The following EIF4B variants were observed in gnomAD, a reference collection of about 807,000 sequenced individuals.
EIF4B encodes the protein eukaryotic translation initiation factor 4B.
In EIF4B, 8 loss-of-function variants were observed where a neutral mutation model predicts 79.3. The ratio of observed to expected loss-of-function variants is 0.10; its 90% CI spans 0.06 to 0.18. EIF4B has a LOEUF of 0.18. Ranked by LOEUF, EIF4B falls within the 10% of genes least tolerant of loss-of-function variation. The pLI is 1.00. For synonymous variants in EIF4B, 238 were observed against 274.7 expected (o/e 0.87, Z 1.32); for missense variants, 515 against 792.4 (o/e 0.65, Z 4.20).
intron 8 of EIF4B, among the ~76,000 whole-genome samples, chr12:53,032,669 GTTT>G (rs779279397): frequency 1.5e-5 from 2 of 132,302 alleles, no homozygotes. Flanking sequence ...GGGTTTTTTT[GTTT>G]TTTTTTTTTT....
At chr12:53,038,319 A>C in intron 11 of EIF4B, 37 bp from the exon 12 acceptor site, 1 of 1,543,770 alleles carries the variant, frequency 6.5e-7, no homozygotes, top group Non-Finnish European at 8.7e-7. Flanking sequence ...TTCTCCCTGA[A>C]ACAACTGATG....
intron 10 of EIF4B, among the ~76,000 whole-genome samples, chr12:53,036,522 C>T (rs982401840): frequency 2.0e-5 from 3 of 151,744 alleles, no homozygotes; most frequent in Non-Finnish European, 2.9e-5. Flanking sequence ...TCCTCTTGCC[C>T]CAATATCCCA....
Position 53,034,725 on chromosome 12 carries a change from G to T in EIF4B, c.1306+16G>T, listed in dbSNP as rs1943508167. The T allele has an allele frequency of 1.2e-6, 2 of 1,613,810 alleles. No individual in the cohort carries two copies. The highest frequency in any genetic ancestry group is 1.7e-6 in the Non-Finnish European group (2 of 1,179,848). On this transcript the variant is annotated intron_variant, in intron 10 of 14. Coordinates refer to ENST00000262056, the MANE Select transcript of EIF4B (RefSeq NM_001417.7). Reference sequence around the variant, plus strand: ...TCTAGCAGAAGTAAGTCAGACCAGGGTGGGTATCGTGTTATTGCCGTTTTC... The same window carrying T: ...TCTAGCAGAAGTAAGTCAGACCAGGTTGGGTATCGTGTTATTGCCGTTTTC...
rs767058421 is a variant in EIF4B, at chr12:53,018,925, G to A, written c.279G>A (p.Ser93=). 1.7e-5 allele frequency: 27 copies of A among 1,613,824 alleles called. No homozygotes were observed. The South Asian group carries it at 1.8e-4, about 11-fold the overall frequency. ...PNIDRSRLPK[S]PPYTAFLGNL... ...TCGACCGGAGCCGTCTTCCCAAATC[G>A]CCACCCTACACTGCTTTTCTAGGAA... is the stretch of plus-strand genomic sequence containing the variant. The change falls in exon 3 of 15, where the codon TCG becomes TCA. Residue 93 remains serine (S), a synonymous_variant. Transcript: ENST00000262056.
intron 2 of EIF4B, among the ~76,000 whole-genome samples, 199 bp from the exon 3 acceptor site, chr12:53,018,599 T>A (rs1259908059): frequency 6.6e-6 from 1 of 152,200 alleles, no homozygotes; most frequent in Admixed American, 6.5e-5. Context: ...TTTCTTTGCT[T>A]ACATAAAGAT....
intron 14 of EIF4B, 32 bp from the exon 15 acceptor site, chr12:53,040,111 T>A: frequency 6.2e-7 from 1 of 1,613,272 alleles, no homozygotes; most frequent in Non-Finnish European, 8.5e-7. Context: ...ATTCAGGGCC[T>A]TCATTATCCT....
intron 1 of EIF4B, among the ~76,000 whole-genome samples, chr12:53,010,976 A>G (rs1943055092): frequency 6.6e-6 from 1 of 152,212 alleles, no homozygotes; most frequent in Admixed American, 6.5e-5. Flanking sequence ...TAAAGTATAC[A>G]GTTTGGACCG....
chr12:53,006,989 G>C (rs1184357228), intron 1 of EIF4B, among the ~76,000 whole-genome samples: 1 of 146,822 alleles, frequency 6.8e-6, no homozygotes, highest in East Asian at 2.0e-4. Flanking sequence ...CGAGTTGGTG[G>C]AGGGGCGGGG....
chr12:53,034,509 A>C (rs1565592237), intron 9 of EIF4B, 103 bp from the exon 10 acceptor site: 1 of 1,017,400 alleles, frequency 9.8e-7, no homozygotes, highest in South Asian at 1.4e-5. Context: ...ATGCATATAC[A>C]CATATAGATG....
rs1257757080 is a variant in EIF4B, at chr12:53,042,046, A to G, written c.*1823A>G. 3 of 152,612 alleles carry G rather than the reference A, an allele frequency of 2.0e-5. No homozygotes were observed. Among genetic ancestry groups the G allele is most frequent in the African/African-American group, 4.8e-5 (2 of 41,434 alleles). The allele number at this position is 152,612 out of a possible 1,614,324, so 9.5% of individuals were successfully genotyped here. A position where few individuals can be genotyped will look rare whatever the true frequency, so the allele number is the denominator to read the frequency against. On this transcript the variant is annotated 3_prime_UTR_variant, in exon 15 of 15. Transcript: ENST00000262056. ...TTAAAATAGAAACAGGGATTGATTA[A>G]TGTCCCGCTCCTGAATACATGTAAA...
chr12:53,041,053 A>G lies in EIF4B; in HGVS notation c.*830A>G, dbSNP rs2120998833. 6.6e-6 allele frequency: 1 copy of G among 152,290 alleles called. No individual in the cohort carries two copies. The highest frequency in any genetic ancestry group is 2.4e-5 in the African/African-American group (1 of 41,536). 9.4% of individuals were successfully genotyped at this position (152,290 alleles called of 1,614,324 possible). ...TGTGTCCTAGTTTTACCCTTTCTAAACACTGTCCTTTTTGAAAGTTTTGAA... is the reference window on the plus strand; with the variant it reads ...TGTGTCCTAGTTTTACCCTTTCTAAGCACTGTCCTTTTTGAAAGTTTTGAA... On this transcript the variant is annotated 3_prime_UTR_variant, in exon 15 of 15. Transcript: ENST00000262056.
chr12:53,021,696 C>T (rs757479809), intron 4 of EIF4B, 110 bp from the exon 5 acceptor site: 1 of 1,285,808 alleles, frequency 7.8e-7, no homozygotes, highest in Non-Finnish European at 1.1e-6. Context: ...CAGTGTTTTC[C>T]TTTATCTTCC....
intron 8 of EIF4B, among the ~76,000 whole-genome samples, chr12:53,029,792 C>CA (rs1943403510): frequency 6.6e-6 from 1 of 152,056 alleles, no homozygotes; most frequent in South Asian, 2.1e-4. Flanking sequence ...ACTAATAAAA[C>CA]ACAGTGAGAT....
intron 1 of EIF4B, among the ~76,000 whole-genome samples, chr12:53,012,635 T>C (rs1165311074): frequency 6.7e-6 from 1 of 149,844 alleles, no homozygotes; most frequent in Non-Finnish European, 1.5e-5. Context: ...GGACGGAGTC[T>C]CGCTTTGTAG....
chr12:53,016,736 C>T lies in EIF4B; in HGVS notation c.151+126C>T. ...TCATTTTTTAGCACCTGAAATCTTA[C>T]ATATTTTATAGAATCTAAGGTTTAA... On this transcript the variant is annotated intron_variant, in intron 2 of 14. Transcript: ENST00000262056. 10 of 1,329,802 alleles carry T rather than the reference C, an allele frequency of 7.5e-6. No homozygotes were observed. In the South Asian group the frequency reaches 1.6e-4, roughly 22 times the overall value. The allele number at this position is 1,329,802 out of a possible 1,614,324, so 82.4% of individuals were successfully genotyped here. A position where few individuals can be genotyped will look rare whatever the true frequency, so the allele number is the denominator to read the frequency against.
rs760412719 is a variant in EIF4B, at chr12:53,040,251, G to A, written c.*28G>A. The stretch of plus-strand genomic sequence containing the variant: ...CTCTACATCCTGTGCTTTTCTCCTA[G>A]TTTCTCTCCACCCTGGAACATTCGA... On this transcript the variant is annotated 3_prime_UTR_variant, in exon 15 of 15. Coordinates refer to ENST00000262056, the MANE Select transcript of EIF4B (RefSeq NM_001417.7). 1.3e-6 allele frequency: 2 copies of A among 1,582,038 alleles called. No homozygotes were observed. The highest frequency in any genetic ancestry group is 2.2e-5 in the South Asian group (2 of 90,188).
Position 53,023,381 on chromosome 12 carries a change from C to T in EIF4B, c.667+754C>T, listed in dbSNP as rs193052412. Among the ~76,000 whole-genome samples the T allele has an allele frequency of 9.6e-3, 1,423 of 148,704 alleles. 23 individuals are homozygous for T. Among genetic ancestry groups the T allele is most frequent in the African/African-American group, 0.033 (1,338 of 40,420 alleles). On this transcript the variant is annotated intron_variant, in intron 6 of 14. Transcript: ENST00000262056. ...CCAAGTAGCTGGGACTACAGGCGCG[C>T]GCCACCACACCCAGCTAATTTTTGT... is the stretch of plus-strand genomic sequence containing the variant.
chr12:53,010,414 G>C (rs910209882), intron 1 of EIF4B, among the ~76,000 whole-genome samples: 5 of 152,130 alleles, frequency 3.3e-5, no homozygotes, highest in Non-Finnish European at 1.5e-5. Flanking sequence ...TTTTACTTGA[G>C]AAGGGTTTAT....
chr12:53,028,420 T>C (rs1943377874), intron 8 of EIF4B, among the ~76,000 whole-genome samples: 2 of 151,776 alleles, frequency 1.3e-5, no homozygotes, highest in African/African-American at 4.8e-5. Context: ...CCAGGTGTGG[T>C]GGCAGACACC....
Sources: allele counts gnomAD v4.1 joint callset (sites outside exome capture counted in the v4.1 genomes callset), GRCh38; gene constraint gnomAD v4.1.1; transcripts MANE v1.5; gene names NCBI Gene and HGNC (gene_info 2026-07-23, HGNC 2026-07-21).